The following THADA variants were observed in gnomAD, a reference collection of about 807,000 sequenced individuals.
THADA encodes the protein tRNA (32-2'-O)-methyltransferase regulator THADA.
Under a neutral mutation model 219.8 loss-of-function variants are expected in THADA, and 213 were observed. The ratio of observed to expected loss-of-function variants is 0.97; its 90% CI spans 0.87 to 1.09. THADA has a LOEUF of 1.09. Ranked by LOEUF, THADA falls within the 50% of genes least tolerant of loss-of-function variation. The probability of loss-of-function intolerance (pLI) is 0.00; values close to 1 mark genes in which losing one functional copy is unlikely to be tolerated. For missense variants in THADA, 2,956 were observed against 2,311.3 expected (o/e 1.28, Z -5.72); for synonymous variants, 1,018 against 828.9 (o/e 1.23, Z -3.92).
intron 19 of THADA, among the ~76,000 whole-genome samples, chr2:43,549,666 A>C (rs1055926381): frequency 6.6e-6 from 1 of 152,226 alleles, no homozygotes; most frequent in Non-Finnish European, 1.5e-5. Context: ...TTGTCTAAAT[A>C]TCTCAAATAT....
intron 29 of THADA, among the ~76,000 whole-genome samples, chr2:43,396,830 A>C (rs1248601676): frequency 6.6e-6 from 1 of 152,120 alleles, no homozygotes; most frequent in Non-Finnish European, 1.5e-5. Context: ...GAAGAAAGAA[A>C]AAAGAAAAAG....
intron 28 of THADA, among the ~76,000 whole-genome samples, chr2:43,400,210 G>C (rs541797171): frequency 6.6e-6 from 1 of 152,190 alleles, no homozygotes; most frequent in South Asian, 2.1e-4. Flanking sequence ...CCATACAAGA[G>C]GAAGGATGGA....
chr2:43,498,607 T>C (rs1573947978), intron 25 of THADA, among the ~76,000 whole-genome samples: 1 of 148,484 alleles, frequency 6.7e-6, no homozygotes, highest in Non-Finnish European at 1.5e-5. Context: ...CCTAAAGCAA[T>C]CAATAAAATT....
At chr2:43,502,011 C>T in intron 24 of THADA, among the ~76,000 whole-genome samples, 1 of 151,866 alleles carries the variant, frequency 6.6e-6, no homozygotes. Context: ...AGCACAGAAA[C>T]AGAACCACCT....
intron 25 of THADA, among the ~76,000 whole-genome samples, chr2:43,487,049 G>A (rs889868407): frequency 3.3e-5 from 5 of 152,138 alleles, no homozygotes; most frequent in African/African-American, 4.8e-5. Flanking sequence ...ATTCACTTAC[G>A]TTCATTCAAC....
chr2:43,590,051 G>A (rs192343066), intron 4 of THADA, among the ~76,000 whole-genome samples: 6 of 152,222 alleles, frequency 3.9e-5, no homozygotes, highest in Non-Finnish European at 7.4e-5. Flanking sequence ...TGACCTCAAA[G>A]AGAAGGTCTA....
At chr2:43,505,280 T>C (rs1339524886) in intron 24 of THADA, among the ~76,000 whole-genome samples, 2 of 151,914 alleles carry the variant, frequency 1.3e-5, no homozygotes, top group African/African-American at 2.4e-5. Context: ...TTGATTAATA[T>C]ATTCAACTAA....
intron 25 of THADA, among the ~76,000 whole-genome samples, 185 bp from the exon 26 acceptor site, chr2:43,485,510 A>G (rs759920888): frequency 9.9e-5 from 15 of 152,190 alleles, no homozygotes; most frequent in South Asian, 2.1e-4. Context: ...AATGACTTCA[A>G]TTGAGCTCTA....
intron 25 of THADA, 124 bp from the exon 26 acceptor site, chr2:43,485,449 G>C: frequency 1.5e-6 from 1 of 663,682 alleles, no homozygotes; most frequent in Non-Finnish European, 2.6e-6. Flanking sequence ...TAAAAAGACA[G>C]ATTTGTGTTC....
In THADA at chr2:43,574,460, A is replaced by G. The variant is rs1310979871; in HGVS notation, c.1605T>C (p.Cys535=). 1.2e-6 allele frequency: 2 copies of G among 1,613,464 alleles called. No homozygotes were observed. Among genetic ancestry groups the G allele is most frequent in the Non-Finnish European group, 1.7e-6 (2 of 1,179,676 alleles). Residue 535 remains cysteine, a synonymous_variant, in exon 11 of 38, where the codon TGT becomes TGC. Transcript: ENST00000405975. ...TWVSPLLFIL[C]EGNLDQKSYV... ...AAGATTTTTGATCCAAGTTTCCTTC[A>G]CACAATATAAAAAGGAGAGGAGAAA...
chr2:43,388,929 T>A (rs936184783), intron 29 of THADA, among the ~76,000 whole-genome samples: 8 of 152,204 alleles, frequency 5.3e-5, no homozygotes, highest in African/African-American at 1.9e-4. Flanking sequence ...ACATTTTTAA[T>A]CATAACCCCC....
chr2:43,302,461 T>C (rs990127231), intron 31 of THADA, among the ~76,000 whole-genome samples: 21 of 152,034 alleles, frequency 1.4e-4, no homozygotes, highest in African/African-American at 4.6e-4. Context: ...AACTTTTTTT[T>C]TTTTTTTCAC....
chr2:43,569,566 T>C (rs1699072312), intron 14 of THADA, among the ~76,000 whole-genome samples: 1 of 152,230 alleles, frequency 6.6e-6, no homozygotes, highest in African/African-American at 2.4e-5. Context: ...TTTTACCCTT[T>C]GTATATAAAT....
intron 25 of THADA, among the ~76,000 whole-genome samples, chr2:43,490,866 A>C (rs1263892423): frequency 6.6e-6 from 1 of 152,150 alleles, no homozygotes; most frequent in Non-Finnish European, 1.5e-5. Context: ...CTTGGAATGC[A>C]TCCTCCTCAA....
chr2:43,521,133 G>A lies in THADA; in HGVS notation c.3374+6746C>T, dbSNP rs144841843. Among the ~76,000 whole-genome samples, 872 of 141,692 alleles carry A rather than the reference G, an allele frequency of 6.2e-3. 9 individuals carry two copies. Among genetic ancestry groups the A allele is most frequent in the African/African-American group, 0.021 (829 of 38,730 alleles). 93.0% of individuals were successfully genotyped at this position (141,692 alleles called of 152,430 possible). A position where few individuals can be genotyped will look rare whatever the true frequency, so the allele number is the denominator to read the frequency against. ...AGGGAGGGAAGGTAGGGAAGGGAGG[G>A]AAGGTAGGGAAGGGAGGGAAGGAAG... On this transcript the variant is annotated intron_variant, in intron 22 of 37. Coordinates refer to ENST00000405975, the MANE Select transcript of THADA (RefSeq NM_022065.5).
intron 36 of THADA, among the ~76,000 whole-genome samples, chr2:43,252,435 C>G (rs191169383): frequency 6.6e-6 from 1 of 152,058 alleles, no homozygotes; most frequent in Non-Finnish European, 1.5e-5. Flanking sequence ...ATTATAATGA[C>G]CTTTTAAAGT....
chr2:43,503,949 C>A (rs1689336392), intron 24 of THADA, among the ~76,000 whole-genome samples: 1 of 151,996 alleles, frequency 6.6e-6, no homozygotes, highest in Non-Finnish European at 1.5e-5. Flanking sequence ...CAAAAAAGCT[C>A]CAAAATCTGA....
chr2:43,440,956 T>G (rs1431109761), intron 26 of THADA, among the ~76,000 whole-genome samples: 4 of 152,218 alleles, frequency 2.6e-5, no homozygotes, highest in Admixed American at 6.5e-5. Context: ...TAGCAAATAT[T>G]TACCAACTAG....
At chr2:43,251,389 A>G (rs1669793141) in intron 36 of THADA, among the ~76,000 whole-genome samples, 1 of 152,200 alleles carries the variant, frequency 6.6e-6, no homozygotes, top group Admixed American at 6.5e-5. Flanking sequence ...TCCAAATACA[A>G]TTACATTACA....
Sources: gnomAD v4.1 joint callset for allele counts (sites outside exome capture counted in the v4.1 genomes callset) on GRCh38, gnomAD v4.1.1 for gene constraint, MANE v1.5 for transcripts, NCBI Gene and HGNC (gene_info 2026-07-23, HGNC 2026-07-21) for gene names.